TATDN1: variants seen among roughly 807,000 people sequenced by gnomAD.
The protein encoded by TATDN1 is deoxyribonuclease TATDN1.
In TATDN1, 40 loss-of-function variants were observed where a neutral mutation model predicts 46.4. That is an observed-to-expected ratio of 0.86 (90% CI 0.67 to 1.12). The LOEUF (loss-of-function observed/expected upper bound fraction) is 1.12. Among genes scored for constraint, TATDN1 ranks in the 50% most tolerant of loss-of-function variants. The pLI is 0.00. For missense variants in TATDN1, 326 were observed against 348.4 expected (o/e 0.94, Z 0.51); for synonymous variants, 95 against 105.6 (o/e 0.90, Z 0.62).
At chr8:124,507,432 C>T (rs1818566359) in intron 8 of TATDN1, among the ~76,000 whole-genome samples, 1 of 152,128 alleles carries the variant, frequency 6.6e-6, no homozygotes, top group South Asian at 2.1e-4. Flanking sequence ...GATGGAAGAA[C>T]ATTAAAGAAC....
intron 3 of TATDN1, among the ~76,000 whole-genome samples, chr8:124,519,634 C>T (rs1819853973): frequency 6.6e-6 from 1 of 152,238 alleles, no homozygotes; most frequent in African/African-American, 2.4e-5. Flanking sequence ...AAGACTCACA[C>T]AAACAAAAGC....
intron 1 of TATDN1, among the ~76,000 whole-genome samples, chr8:124,530,685 G>C (rs1225722209): frequency 2.0e-5 from 3 of 152,182 alleles, no homozygotes; most frequent in Non-Finnish European, 4.4e-5. Context: ...GCTCAGTTCT[G>C]ATAAAGACAA....
At chr8:124,538,956 T>C (rs1821759118) in intron 1 of TATDN1, 69 bp downstream of exon 1, 2 of 1,597,550 alleles carry the variant, frequency 1.3e-6, no homozygotes, top group African/African-American at 1.3e-5. Context: ...TCCTGGGTCC[T>C]GTGACCTTGG....
chr8:124,521,583 C>G (rs1259477114), intron 3 of TATDN1: 1 of 152,156 alleles, frequency 6.6e-6, no homozygotes, highest in Non-Finnish European at 1.5e-5. Flanking sequence ...TAGCAGCTAC[C>G]AAGTGTCCTG....
chr8:124,526,453 T>C (rs139175632), intron 1 of TATDN1, among the ~76,000 whole-genome samples: 8 of 152,232 alleles, frequency 5.3e-5, no homozygotes, highest in African/African-American at 1.2e-4. Context: ...CAGCTAAAGA[T>C]AGTAAGTAGC....
intron 9 of TATDN1, chr8:124,503,919 AG>A: frequency 7.7e-7 from 1 of 1,297,350 alleles, no homozygotes; most frequent in Non-Finnish European, 1.0e-6. Context: ...GTTCGTCCAT[AG>A]TCAGATATGA....
intron 9 of TATDN1, among the ~76,000 whole-genome samples, chr8:124,501,309 A>G (rs1278838999): frequency 6.6e-6 from 1 of 152,238 alleles, no homozygotes; most frequent in Non-Finnish European, 1.5e-5. Flanking sequence ...CAACCCAGAA[A>G]AAGATCTCTA....
chr8:124,506,326 C>G (rs1358959112), intron 8 of TATDN1, among the ~76,000 whole-genome samples: 1 of 114,672 alleles, frequency 8.7e-6, no homozygotes, highest in East Asian at 2.4e-4. Flanking sequence ...CAGAGCAAGG[C>G]TCTGTCTCAA....
chr8:124,518,415 C>A (rs1378288071), intron 4 of TATDN1, among the ~76,000 whole-genome samples: 8 of 138,462 alleles, frequency 5.8e-5, no homozygotes, highest in African/African-American at 8.1e-5. Flanking sequence ...TCCCAGCTAC[C>A]CGGGAGGCTG....
At chr8:124,514,964 G>GT (rs956837257) in intron 6 of TATDN1, among the ~76,000 whole-genome samples, 11 of 152,044 alleles carry the variant, frequency 7.2e-5, no homozygotes, top group Middle Eastern at 3.4e-3. Context: ...TTTCTTGCTG[G>GT]TTTTTTTTAG....
At chr8:124,520,113 C>G (rs945185028) in intron 3 of TATDN1, among the ~76,000 whole-genome samples, 2 of 152,158 alleles carry the variant, frequency 1.3e-5, no homozygotes, top group African/African-American at 2.4e-5. Context: ...GGAAACATAG[C>G]CATAATTAAA....
At chr8:124,520,200 G>A (rs1294512122) in intron 3 of TATDN1, among the ~76,000 whole-genome samples, 1 of 152,208 alleles carries the variant, frequency 6.6e-6, no homozygotes, top group Admixed American at 6.5e-5. Context: ...ACTTTGGGAG[G>A]CTGAGGCAGA....
chr8:124,499,972 G>A, intron 9 of TATDN1, among the ~76,000 whole-genome samples: 1 of 151,888 alleles, frequency 6.6e-6, no homozygotes, highest in East Asian at 1.9e-4. Flanking sequence ...AGCCTCCCGA[G>A]TAGCTGGGAC....
At chr8:124,492,015 T>C (rs7005393) in intron 11 of TATDN1, among the ~76,000 whole-genome samples, 81,240 of 149,530 alleles carry the variant, frequency 0.54, 23,214 homozygotes, top group African/African-American at 0.72. Flanking sequence ...ACTTTTGTCT[T>C]CCAGGCTAGA....
chr8:124,502,662 G>A (rs1436846784), intron 9 of TATDN1, among the ~76,000 whole-genome samples: 1 of 150,586 alleles, frequency 6.6e-6, no homozygotes, highest in Non-Finnish European at 1.5e-5. Flanking sequence ...GGAAGGGTCT[G>A]CAACTGACGG....
At chr8:124,516,848 A>C (rs1037125049) in intron 4 of TATDN1, among the ~76,000 whole-genome samples, 1 of 152,236 alleles carries the variant, frequency 6.6e-6, no homozygotes, top group Non-Finnish European at 1.5e-5. Flanking sequence ...CTTGCATAGA[A>C]TACAAATGAG....
At chr8:124,509,235 C>A (rs1032946795) in intron 6 of TATDN1, among the ~76,000 whole-genome samples, 1 of 152,150 alleles carries the variant, frequency 6.6e-6, no homozygotes, top group East Asian at 1.9e-4. Context: ...TTTCCAAGTA[C>A]CAGATACCAT....
At chr8:124,518,537 A>C (rs1488029860) in intron 4 of TATDN1, among the ~76,000 whole-genome samples, 1 of 151,960 alleles carries the variant, frequency 6.6e-6, no homozygotes, top group Non-Finnish European at 1.5e-5. Context: ...AAAAAAAAAA[A>C]AACACACCTG....
chr8:124,504,212 G>A (rs1410869559), intron 9 of TATDN1, 59 bp downstream of exon 9: 2 of 1,261,998 alleles, frequency 1.6e-6, no homozygotes, highest in Non-Finnish European at 2.3e-6. Context: ...TTCACTGTAA[G>A]ACAATTTAAG....
Sources: gnomAD v4.1 joint callset for allele counts (sites outside exome capture counted in the v4.1 genomes callset) on GRCh38, gnomAD v4.1.1 for gene constraint, MANE v1.5 for transcripts, NCBI Gene and HGNC (gene_info 2026-07-23, HGNC 2026-07-21) for gene names.